Variants in VSTM2B observed in about 807,000 individuals in gnomAD.
VSTM2B encodes the protein V-set and transmembrane domain-containing protein 2B.
A neutral mutation model predicts 24.0 loss-of-function variants in VSTM2B; 24 were observed. The observed-to-expected ratio is 1.00, with a 90% CI of 0.72 to 1.40. The LOEUF (loss-of-function observed/expected upper bound fraction) is 1.40. Ranked by LOEUF, VSTM2B falls within the 40% of genes most tolerant of loss-of-function variation. The probability of loss-of-function intolerance (pLI) is 0.00; values close to 1 mark genes in which losing one functional copy is unlikely to be tolerated. For missense variants in VSTM2B, 399 were observed against 416.4 expected (o/e 0.96, Z 0.36); for synonymous variants, 226 against 194.4 (o/e 1.16, Z -1.35).
intron 3 of VSTM2B, 150 bp from the exon 4 acceptor site, chr19:29,529,668 GC>G: frequency 1.3e-6 from 1 of 778,706 alleles, no homozygotes; most frequent in Non-Finnish European, 2.1e-6. Flanking sequence ...CTGGGTAGAC[GC>G]GGGTGAAAGG....
At chr19:29,528,354 C>T (rs987602148) in intron 2 of VSTM2B, 79 bp from the exon 3 acceptor site, 2 of 1,543,456 alleles carry the variant, frequency 1.3e-6, no homozygotes, top group Non-Finnish European at 1.8e-6. Context: ...GGAGGGTGCC[C>T]TTGCCTAAAG....
intron 4 of VSTM2B, among the ~76,000 whole-genome samples, chr19:29,534,274 G>A (rs913883588): frequency 9.9e-5 from 15 of 152,192 alleles, no homozygotes; most frequent in African/African-American, 3.6e-4. Flanking sequence ...CACTCCTCCT[G>A]CCCTCCATTC....
At chr19:29,528,935 G>A in intron 3 of VSTM2B, 3 of 985,466 alleles carry the variant, frequency 3.0e-6, no homozygotes, top group Non-Finnish European at 3.6e-6. Context: ...GGTGCGGGGT[G>A]TTGCAGGCTT....
rs2145451929 is a variant in VSTM2B at position 29,526,574 on chromosome 19, C to T, written c.-10C>T. On this transcript the variant is annotated 5_prime_UTR_variant, in exon 1 of 5. Coordinates refer to ENST00000335523, the MANE Select transcript of VSTM2B (RefSeq NM_001146339.2). The surrounding 1 kb of genome is among the most constrained non-coding windows in gnomAD (Gnocchi z 4.1). Reference sequence around the variant, plus strand: ...CCGGGCCCCCGCCGCCACCGCGCCCCCCGCGGGAGATGGAACAGCGGAACC... The same window carrying T: ...CCGGGCCCCCGCCGCCACCGCGCCCTCCGCGGGAGATGGAACAGCGGAACC... The T allele has an allele frequency of 6.6e-7, 1 of 1,509,714 alleles. No individual in the cohort carries two copies. The highest frequency in any genetic ancestry group is 8.8e-7 in the Non-Finnish European group (1 of 1,134,526). The allele number at this position is 1,509,714 out of a possible 1,614,324, so 93.5% of individuals were successfully genotyped here. A position where few individuals can be genotyped will look rare whatever the true frequency, so the allele number is the denominator to read the frequency against.
chr19:29,525,567 G>A (rs1969536982), upstream of VSTM2B: 1 of 152,498 alleles, frequency 6.6e-6, no homozygotes, highest in South Asian at 2.1e-4. Flanking sequence ...TGGGCACAGC[G>A]TTCCGCCCTT....
chr19:29,531,112 G>T (rs1969748199), intron 4 of VSTM2B, among the ~76,000 whole-genome samples: 1 of 149,618 alleles, frequency 6.7e-6, no homozygotes, highest in African/African-American at 2.5e-5. Flanking sequence ...GGTGGGGGCG[G>T]TGGGGGGCGG....
At chr19:29,550,150 T>TA (rs1408512677) in intron 4 of VSTM2B, among the ~76,000 whole-genome samples, 1 of 152,258 alleles carries the variant, frequency 6.6e-6, no homozygotes, top group East Asian at 1.9e-4. Flanking sequence ...AGATCTGTTA[T>TA]AAGCCAGGAG....
At position 29,544,115 on chromosome 19, in the gene VSTM2B, CTA is replaced by C. The variant is rs61055716; in HGVS notation, c.769+13839_769+13840del. On this transcript the variant is annotated intron_variant, in intron 4 of 4. Transcript: ENST00000335523. ...AGTTCTCCTGTGTGTATATATATAC[CTA>C]TATATATATATATGCACATTATATT... Among the ~76,000 whole-genome samples the C allele has an allele frequency of 4.3e-3, 641 of 148,150 alleles. 4 individuals are homozygous for C. Among genetic ancestry groups the C allele is most frequent in the South Asian group, 8.0e-3 (37 of 4,638 alleles).
intron 4 of VSTM2B, among the ~76,000 whole-genome samples, chr19:29,558,977 G>A (rs1970472796): frequency 6.6e-6 from 1 of 152,212 alleles, no homozygotes; most frequent in Admixed American, 6.5e-5. Flanking sequence ...TGCTGGAGAG[G>A]ATGTGGAGAA....
intron 4 of VSTM2B, among the ~76,000 whole-genome samples, chr19:29,563,249 T>A (rs1372784564): frequency 1.1e-5 from 1 of 88,484 alleles, no homozygotes; most frequent in African/African-American, 3.9e-5. Flanking sequence ...AAGCATATTG[T>A]CTTTTTTTTT....
intron 4 of VSTM2B, among the ~76,000 whole-genome samples, chr19:29,556,099 C>CA (rs71171739): frequency 0.4 from 54,954 of 137,348 alleles, 10,755 homozygotes; most frequent in Admixed American, 0.52. Flanking sequence ...GGCAGAGATA[C>CA]AAAAAAAAAA....
In VSTM2B at chr19:29,530,038, C is replaced by T; in HGVS notation, c.517C>T (p.Arg173Cys). The change falls in exon 4 of 5, where the codon CGC (arginine) becomes TGC (cysteine). Residue 173 changes from arginine (R) to cysteine (C), a missense_variant. Transcript: ENST00000335523. ...VSHIQSSGPR[R>C]HGPASAANAN... ...CCACATCCAGAGCAGCGGCCCGCGTCGCCACGGCCCAGCCAGCGCCGCCAA... is the reference window on the plus strand; with the variant it reads ...CCACATCCAGAGCAGCGGCCCGCGTTGCCACGGCCCAGCCAGCGCCGCCAA... The T allele has an allele frequency of 6.5e-7, 1 of 1,526,800 alleles. No individual in the cohort carries two copies. The highest frequency in any genetic ancestry group is 2.0e-5 in the Admixed American group (1 of 50,208). 94.6% of individuals were successfully genotyped at this position (1,526,800 alleles called of 1,614,324 possible).
chr19:29,557,398 G>A (rs1021949032), intron 4 of VSTM2B, among the ~76,000 whole-genome samples: 7 of 152,160 alleles, frequency 4.6e-5, no homozygotes, highest in Non-Finnish European at 8.8e-5. Context: ...ACTCAAGATA[G>A]ATTAAAGACT....
At chr19:29,563,715 A>C in intron 4 of VSTM2B, 131 bp from the exon 5 acceptor site, 1 of 718,300 alleles carries the variant, frequency 1.4e-6, no homozygotes. Context: ...GCCACTATGC[A>C]CCAGCCTCCA....
chr19:29,556,193 G>A (rs1318778366), intron 4 of VSTM2B, among the ~76,000 whole-genome samples: 5 of 151,914 alleles, frequency 3.3e-5, no homozygotes, highest in African/African-American at 1.2e-4. Flanking sequence ...CAAATCTAGA[G>A]GCACATCAAA....
chr19:29,547,431 AC>A (rs1440744232), intron 4 of VSTM2B, among the ~76,000 whole-genome samples: 1 of 152,184 alleles, frequency 6.6e-6, no homozygotes, highest in Non-Finnish European at 1.5e-5. Flanking sequence ...AGTGCTGGCA[AC>A]CTTTGCCTTG....
At chr19:29,530,911 G>A (rs1222927246) in intron 4 of VSTM2B, among the ~76,000 whole-genome samples, 1 of 151,724 alleles carries the variant, frequency 6.6e-6, no homozygotes, top group African/African-American at 2.4e-5. Flanking sequence ...GGGCAGTAAG[G>A]ACTGAGCCCT....
At chr19:29,554,345 A>C (rs1036302537) in intron 4 of VSTM2B, among the ~76,000 whole-genome samples, 8 of 152,212 alleles carry the variant, frequency 5.3e-5, no homozygotes, top group Non-Finnish European at 1.2e-4. Context: ...AGAAGAAATA[A>C]AATCTTTTCA....
At chr19:29,545,702 G>A (rs1220164842) in intron 4 of VSTM2B, among the ~76,000 whole-genome samples, 1 of 152,186 alleles carries the variant, frequency 6.6e-6, no homozygotes, top group Non-Finnish European at 1.5e-5. Flanking sequence ...TGGTATGTAT[G>A]CATCACATTT....
Sources: allele counts gnomAD v4.1 joint callset (sites outside exome capture counted in the v4.1 genomes callset), GRCh38; gene constraint gnomAD v4.1.1; non-coding constraint Gnocchi (gnomAD v3.1); transcripts MANE v1.5; gene names NCBI Gene and HGNC (gene_info 2026-07-23, HGNC 2026-07-21).